Variants in NUP107 observed in about 807,000 individuals in gnomAD.
The protein encoded by NUP107 is nucleoporin 107, also known as nuclear pore complex protein Nup107.
In NUP107, 101 loss-of-function variants were observed where a neutral mutation model predicts 141.0. The ratio of observed to expected loss-of-function variants is 0.72; its 90% confidence interval spans 0.61 to 0.84. NUP107 has a LOEUF of 0.84. Among genes scored for constraint, NUP107 ranks in the 40% least tolerant of loss-of-function variants. The probability of loss-of-function intolerance (pLI) is 0.00; values close to 1 mark genes in which losing one functional copy is unlikely to be tolerated. For synonymous variants in NUP107, 319 were observed against 363.9 expected, an observed-to-expected ratio of 0.88 and a Z score of 1.41; for missense variants, 941 against 1,102.7, an observed-to-expected ratio of 0.85 and a Z score of 2.08.
At chr12:68,687,590 T>C in intron 1 of NUP107, 1 of 986,572 alleles carries the variant, frequency 1.0e-6, no homozygotes, top group Non-Finnish European at 1.2e-6. Flanking sequence ...CAGTGTAAAG[T>C]GGTAAGTGTT....
intron 5 of NUP107, 24 bp from the exon 6 acceptor site, chr12:68,696,795 T>C: frequency 3.9e-6 from 4 of 1,035,250 alleles, no homozygotes; most frequent in Middle Eastern, 2.4e-4. Context: ...CTTTATTCCT[T>C]TTTTTTTTTT....
chr12:68,716,577 C>A (rs548114116), intron 12 of NUP107, among the ~76,000 whole-genome samples: 1 of 152,266 alleles, frequency 6.6e-6, no homozygotes, highest in African/African-American at 2.4e-5. Flanking sequence ...TTAGAATAAA[C>A]CTAACCCTAA....
chr12:68,707,062 G>T lies in NUP107; in HGVS notation c.730-2176G>T, dbSNP rs1876618307. The T allele has an allele frequency of 5.2e-6, 3 of 580,842 alleles. No individual in the cohort carries two copies. In the South Asian group the frequency reaches 6.0e-5, roughly 12 times the overall value. 36.0% of individuals were successfully genotyped at this position (580,842 alleles called of 1,614,324 possible). A position where few individuals can be genotyped will look rare whatever the true frequency, so the allele number is the denominator to read the frequency against. ...TAGTGTCTGAGTCGTCTGATGTACT[G>T]ACCAAGTGAACAGCCGTGACAGCCC... On this transcript the variant is annotated intron_variant, in intron 8 of 27. Transcript: ENST00000229179.
In NUP107 at chr12:68,692,003, A is replaced by G. The variant is rs1468121083; in HGVS notation, c.339A>G (p.Ala113=). Residue 113 remains alanine (A), a synonymous_variant, in exon 5 of 28, where the codon GCA becomes GCG. Coordinates refer to ENST00000229179, the MANE Select transcript of NUP107 (RefSeq NM_020401.4). ...TGGATGACAGTAACTGGGCAGCTGCATTTTCATCACAGCGTTCCGGGCTGT... is the reference window on the plus strand; with the variant it reads ...TGGATGACAGTAACTGGGCAGCTGCGTTTTCATCACAGCGTTCCGGGCTGT... The part of the protein sequence containing the change: ...TNLDDSNWAA[A]FSSQRSGLFT... 4 of 1,604,932 alleles carry G rather than the reference A, an allele frequency of 2.5e-6. No individual in the cohort carries two copies. Among genetic ancestry groups the G allele is most frequent in the African/African-American group, 2.7e-5 (2 of 74,212 alleles).
intron 8 of NUP107, chr12:68,706,475 A>T: frequency 1.4e-6 from 1 of 713,862 alleles, no homozygotes. Context: ...GGCTGAGAGC[A>T]TGAGATCAAA....
In NUP107 at chr12:68,690,831, G is replaced by A. The variant is rs1363987584; in HGVS notation, c.303+85G>A. 1.3e-5 allele frequency: 17 copies of A among 1,340,860 alleles called. 1 individual carries two copies. The South Asian group carries it at 2.3e-4, about 18-fold the overall frequency. The allele number at this position is 1,340,860 out of a possible 1,614,324, so 83.1% of individuals were successfully genotyped here. ...TAATCTCAGCACTCCCTGAACTCCT[G>A]ACCTCAAGTGATTCTCCCGCCTTGG... is the stretch of plus-strand genomic sequence containing the variant. On this transcript the variant is annotated intron_variant, in intron 4 of 27. Transcript: ENST00000229179.
intron 8 of NUP107, among the ~76,000 whole-genome samples, chr12:68,703,988 C>T (rs143674302): frequency 5.3e-5 from 8 of 152,258 alleles, no homozygotes; most frequent in African/African-American, 1.9e-4. Context: ...GCCAGAGGAT[C>T]ACTTGAGCCC....
At chr12:68,706,534 G>A (rs1318734595) in intron 8 of NUP107, 2 of 676,334 alleles carry the variant, frequency 3.0e-6, no homozygotes, top group Non-Finnish European at 5.4e-6. Flanking sequence ...GACCCGTGGT[G>A]CACAAAGACT....
chr12:68,744,044 ACT>A lies in NUP107; in HGVS notation c.*1583_*1584del. On this transcript the variant is annotated 3_prime_UTR_variant, in exon 28 of 28. Transcript: ENST00000229179. ...AAAGTAGTTTTGTTACTTGCAACAA[ACT>A]GTATATATAGAAACTTTGTACAACC... The A allele has an allele frequency of 6.6e-6, 1 of 152,326 alleles. No individual in the cohort carries two copies. Among genetic ancestry groups the A allele is most frequent in the East Asian group, 1.9e-4 (1 of 5,184 alleles). The allele number at this position is 152,326 out of a possible 1,614,324, so 9.4% of individuals were successfully genotyped here.
intron 11 of NUP107, chr12:68,714,428 C>G (rs147702401): frequency 1.3e-3 from 203 of 152,300 alleles, no homozygotes; most frequent in African/African-American, 4.7e-3. Flanking sequence ...TACATTGTAG[C>G]AGGCAACAGC....
intron 20 of NUP107, among the ~76,000 whole-genome samples, chr12:68,730,453 A>T (rs111675351): frequency 0.2 from 30,290 of 151,906 alleles, 3,797 homozygotes; most frequent in South Asian, 0.47. Context: ...TCCTGGCCTT[A>T]GGTGATCCGC....
chr12:68,714,224 A>G (rs1371507135), intron 11 of NUP107: 1 of 154,202 alleles, frequency 6.5e-6, no homozygotes, highest in Admixed American at 6.5e-5. Flanking sequence ...TATTCTAAAA[A>G]CAAAGGAATG....
At chr12:68,736,717 C>CTTTTTTTTTTTT (rs10713889) in intron 26 of NUP107, among the ~76,000 whole-genome samples, 26 of 105,878 alleles carry the variant, frequency 2.5e-4, no homozygotes, top group Non-Finnish European at 3.7e-4. Context: ...GTGTCGCCAC[C>CTTTTTTTTTTTT]TTTTTTTTTT....
intron 17 of NUP107, among the ~76,000 whole-genome samples, chr12:68,724,420 G>T (rs529646714): frequency 1.3e-5 from 2 of 152,184 alleles, no homozygotes; most frequent in East Asian, 1.9e-4. Flanking sequence ...ATGCTTTGGG[G>T]TATTACTTCT....
At chr12:68,691,841 G>T in intron 4 of NUP107, 127 bp from the exon 5 acceptor site, 1 of 576,188 alleles carries the variant, frequency 1.7e-6, no homozygotes, top group Non-Finnish European at 2.6e-6. Context: ...CTCAAGAAGG[G>T]AAAAAAAAAA....
intron 12 of NUP107, among the ~76,000 whole-genome samples, chr12:68,718,248 C>T (rs1877195128): frequency 6.6e-6 from 1 of 152,180 alleles, no homozygotes; most frequent in African/African-American, 2.4e-5. Context: ...AGTATCTCCA[C>T]CAAGAGTCCT....
intron 10 of NUP107, among the ~76,000 whole-genome samples, chr12:68,710,980 G>A (rs767817548): frequency 2.0e-5 from 3 of 152,172 alleles, no homozygotes; most frequent in South Asian, 2.1e-4. Flanking sequence ...TTAGAGGCTC[G>A]GCGCTGTGGT....
chr12:68,704,380 T>C (rs1876477723), intron 8 of NUP107, among the ~76,000 whole-genome samples: 1 of 152,206 alleles, frequency 6.6e-6, no homozygotes, highest in African/African-American at 2.4e-5. Context: ...TGTACACATA[T>C]ATGCCTGTTA....
At chr12:68,701,148 A>G (rs1165626113) in intron 7 of NUP107, among the ~76,000 whole-genome samples, 1 of 152,238 alleles carries the variant, frequency 6.6e-6, no homozygotes, top group Non-Finnish European at 1.5e-5. Flanking sequence ...TTCATGTAAT[A>G]TGGAAGTTTG....
Sources: gnomAD v4.1 joint callset for allele counts (sites outside exome capture counted in the v4.1 genomes callset) on GRCh38, gnomAD v4.1.1 for gene constraint, MANE v1.5 for transcripts, NCBI Gene and HGNC (gene_info 2026-07-23, HGNC 2026-07-21) for gene names.